The following CTNNA2 variants were observed in gnomAD, a reference collection of about 807,000 sequenced individuals.
CTNNA2 encodes the protein catenin alpha-2.
CTNNA2 carries 42 observed loss-of-function variants against 101.0 expected under a neutral mutation model. That is an observed-to-expected ratio of 0.42 (90% CI 0.32 to 0.54). The LOEUF (loss-of-function observed/expected upper bound fraction) is 0.54, where lower values mean the gene tolerates loss of function less well. Ranked by LOEUF, CTNNA2 falls within the 20% of genes least tolerant of loss-of-function variation. The pLI, the probability that CTNNA2 is intolerant of heterozygous loss-of-function variation, is 0.14. For synonymous variants in CTNNA2, 450 were observed against 456.4 expected, an observed-to-expected ratio of 0.99 and a Z score of 0.18; for missense variants, 871 against 1,223.1, an observed-to-expected ratio of 0.71 and a Z score of 4.29.
intron 1 of CTNNA2, among the ~76,000 whole-genome samples, chr2:79,620,381 C>A (rs546516516): frequency 6.6e-6 from 1 of 152,276 alleles, no homozygotes; most frequent in Admixed American, 6.5e-5. Flanking sequence ...CACTTTTAGT[C>A]TGGGAAATTC....
intron 2 of CTNNA2, among the ~76,000 whole-genome samples, chr2:79,267,902 A>G (rs1675007855): frequency 6.6e-6 from 1 of 152,142 alleles, no homozygotes; most frequent in Admixed American, 6.5e-5. Context: ...GGAGATAAAG[A>G]TGCAAGAACT....
intron 1 of CTNNA2, among the ~76,000 whole-genome samples, chr2:79,579,836 A>G (rs879868853): frequency 2.2e-4 from 34 of 151,712 alleles, no homozygotes; most frequent in Non-Finnish European, 4.4e-4. Context: ...CTGGTCTTAA[A>G]CTCCTGACCT....
chr2:79,974,144 G>A (rs1247009716), intron 7 of CTNNA2, among the ~76,000 whole-genome samples: 1 of 151,942 alleles, frequency 6.6e-6, no homozygotes, highest in Non-Finnish European at 1.5e-5. Flanking sequence ...AACTTTCGCA[G>A]GTGTATCACC....
At chr2:80,105,056 C>T (rs1398920662) in intron 7 of CTNNA2, among the ~76,000 whole-genome samples, 2 of 152,154 alleles carry the variant, frequency 1.3e-5, no homozygotes, top group Non-Finnish European at 2.9e-5. Flanking sequence ...TTTCGTGCTT[C>T]TTCAAAATGA....
At chr2:79,227,192 G>A (rs1005922327) in intron 2 of CTNNA2, among the ~76,000 whole-genome samples, 16 of 152,118 alleles carry the variant, frequency 1.1e-4, no homozygotes, top group African/African-American at 3.9e-4. Context: ...TGGAAAAAAA[G>A]GAAAGGTAAC....
intron 17 of CTNNA2, among the ~76,000 whole-genome samples, chr2:80,610,136 A>T (rs977729316): frequency 6.6e-6 from 1 of 151,678 alleles, no homozygotes; most frequent in Admixed American, 6.6e-5. Flanking sequence ...TTTGCTATAT[A>T]TGCTCTGTCA....
At chr2:80,138,281 A>T (rs1702808035) in intron 7 of CTNNA2, among the ~76,000 whole-genome samples, 1 of 152,056 alleles carries the variant, frequency 6.6e-6, no homozygotes, top group African/African-American at 2.4e-5. Flanking sequence ...CTTGGGGTGG[A>T]AAAAAAGGCA....
At chr2:79,609,964 GACATTGTT>G (rs1053075370) in intron 1 of CTNNA2, among the ~76,000 whole-genome samples, 32 of 152,010 alleles carry the variant, frequency 2.1e-4, no homozygotes, top group Admixed American at 3.9e-4. Flanking sequence ...TTTTTTGAAG[GACATTGTT>G]ATAAGAAGGA....
intron 4 of CTNNA2, among the ~76,000 whole-genome samples, chr2:79,450,121 A>G (rs1314151713): frequency 1.3e-5 from 2 of 151,960 alleles, no homozygotes; most frequent in Non-Finnish European, 2.9e-5. Flanking sequence ...TACGTGACAC[A>G]GCAGAGAGGC....
intron 4 of CTNNA2, among the ~76,000 whole-genome samples, chr2:79,450,851 T>A (rs923083657): frequency 2.0e-5 from 3 of 152,120 alleles, no homozygotes; most frequent in African/African-American, 7.2e-5. Context: ...GAAAACAAGA[T>A]AATTATTATC....
At chr2:79,887,244 A>G (rs1460638285) in intron 6 of CTNNA2, among the ~76,000 whole-genome samples, 4 of 152,214 alleles carry the variant, frequency 2.6e-5, no homozygotes, top group African/African-American at 9.6e-5. Flanking sequence ...GCAGTATATC[A>G]ATAGAGTAGA....
chr2:79,839,459 A>G (rs981770576), intron 3 of CTNNA2, among the ~76,000 whole-genome samples: 1 of 151,990 alleles, frequency 6.6e-6, no homozygotes, highest in Non-Finnish European at 1.5e-5. Context: ...TTTATTTTAT[A>G]TTTCAAATGT....
intron 9 of CTNNA2, among the ~76,000 whole-genome samples, chr2:80,500,361 C>A (rs948431841): frequency 6.6e-6 from 1 of 152,076 alleles, no homozygotes; most frequent in Admixed American, 6.6e-5. Flanking sequence ...TTTACCCATC[C>A]ATCTATTATC....
intron 7 of CTNNA2, among the ~76,000 whole-genome samples, chr2:80,088,851 G>A (rs563330006): frequency 1.3e-5 from 2 of 152,152 alleles, no homozygotes; most frequent in African/African-American, 4.8e-5. Flanking sequence ...TTAAATCGCT[G>A]TTAACTGAGA....
At chr2:80,593,953 A>T (rs1355281505) in intron 15 of CTNNA2, among the ~76,000 whole-genome samples, 1 of 152,148 alleles carries the variant, frequency 6.6e-6, no homozygotes, top group East Asian at 1.9e-4. Flanking sequence ...GTGTATAAGT[A>T]TGTAAGTTCC....
chr2:80,531,709 C>T (rs1436699636), intron 9 of CTNNA2, among the ~76,000 whole-genome samples: 4 of 152,088 alleles, frequency 2.6e-5, no homozygotes, highest in Non-Finnish European at 5.9e-5. Context: ...TTAAGGAGAC[C>T]TGGGAGGGGC....
intron 7 of CTNNA2, among the ~76,000 whole-genome samples, chr2:79,933,586 C>T (rs771421950): frequency 2.0e-5 from 3 of 151,974 alleles, no homozygotes; most frequent in East Asian, 3.9e-4. Context: ...TCCCTAGTAG[C>T]CAGGATTACA....
chr2:80,208,799 C>T (rs1278154395), intron 7 of CTNNA2, among the ~76,000 whole-genome samples: 1 of 152,192 alleles, frequency 6.6e-6, no homozygotes, highest in Non-Finnish European at 1.5e-5. Context: ...TGTTAATTAA[C>T]TGGCCAACAA....
intron 3 of CTNNA2, chr2:79,320,051 T>C (rs541628932): frequency 6.6e-6 from 1 of 152,270 alleles, no homozygotes; most frequent in South Asian, 2.1e-4. Flanking sequence ...GATATATTTT[T>C]AGTCAATGAA....
Sources: allele counts gnomAD v4.1 joint callset (sites outside exome capture counted in the v4.1 genomes callset), GRCh38; gene constraint gnomAD v4.1.1; transcripts MANE v1.5; gene names NCBI Gene and HGNC (gene_info 2026-07-23, HGNC 2026-07-21).